CATSPERE: variants seen among roughly 807,000 people sequenced by gnomAD.
The protein encoded by CATSPERE is cation channel sperm-associated auxiliary subunit epsilon.
In CATSPERE, 93 loss-of-function variants were observed where a neutral mutation model predicts 114.1. The observed-to-expected ratio is 0.81, with a 90% CI of 0.69 to 0.97. CATSPERE has a LOEUF of 0.97. Among genes scored for constraint, CATSPERE ranks in the 50% least tolerant of loss-of-function variants. The pLI, the probability that CATSPERE is intolerant of heterozygous loss-of-function variation, is 0.00. For missense variants in CATSPERE, 1,058 were observed against 1,131.6 expected (o/e 0.93, Z 0.93); for synonymous variants, 341 against 384.1 (o/e 0.89, Z 1.31).
At position 244,581,805 on chromosome 1, in the gene CATSPERE, T is replaced by C. The variant is rs140946008; in HGVS notation, c.1960T>C (p.Phe654Leu). ...GYCTKTLTLT[F>L]YQNVDYERIS... ...AATTTTCTTTTTTCAGACACTAACA[T>C]TTTATCAGAATGTAGATTATGAGAG... Residue 654 changes from phenylalanine (F) to leucine (L), a missense_variant, in exon 12 of 22, where the codon TTT (phenylalanine) becomes CTT (leucine). Phe to Leu is a conservative substitution (Grantham distance 22). Coordinates refer to ENST00000366534, the MANE Select transcript of CATSPERE (RefSeq NM_001130957.2). The C allele has an allele frequency of 2.1e-3, 2,838 of 1,330,558 alleles. 12 individuals carry two copies. The highest frequency in any genetic ancestry group is 5.2e-3 in the Admixed American group (266 of 50,956). 82.4% of individuals were successfully genotyped at this position (1,330,558 alleles called of 1,614,324 possible). A position where few individuals can be genotyped will look rare whatever the true frequency, so the allele number is the denominator to read the frequency against.
At chr1:244,521,185 C>T (rs1167180184) in intron 8 of CATSPERE, among the ~76,000 whole-genome samples, 3 of 152,120 alleles carry the variant, frequency 2.0e-5, no homozygotes, top group African/African-American at 7.2e-5. Context: ...GAGACCCCAT[C>T]TCTATACAAA....
At chr1:244,462,286 A>G (rs1398807558) in intron 1 of CATSPERE, among the ~76,000 whole-genome samples, 1 of 152,196 alleles carries the variant, frequency 6.6e-6, no homozygotes, top group Non-Finnish European at 1.5e-5. Flanking sequence ...GGCCTCTTAG[A>G]TCTGTTTCCA....
At chr1:244,593,329 A>G in intron 15 of CATSPERE, 66 bp from the exon 16 acceptor site, 11 of 1,540,928 alleles carry the variant, frequency 7.1e-6, no homozygotes, top group Non-Finnish European at 8.9e-6. Flanking sequence ...ACCTAAACAA[A>G]GTCATGGGTT....
chr1:244,619,647 C>T (rs942676593), intron 20 of CATSPERE, among the ~76,000 whole-genome samples: 3 of 152,116 alleles, frequency 2.0e-5, no homozygotes, highest in African/African-American at 7.2e-5. Context: ...TTCGGAAAAC[C>T]ACTCAGGGAA....
At chr1:244,604,616 C>G (rs776917806) in intron 17 of CATSPERE, among the ~76,000 whole-genome samples, 1 of 152,194 alleles carries the variant, frequency 6.6e-6, no homozygotes, top group Admixed American at 6.5e-5. Flanking sequence ...CCAGCAGCCT[C>G]GAAGCAAGTG....
At position 244,552,561 on chromosome 1, in the gene CATSPERE, C is replaced by T; in HGVS notation, c.776C>T (p.Thr259Ile). Reference sequence around the variant, plus strand: ...GCTGTTTTGGTGACAGATATGGAGACCTTTCACACAACTGATTCATTCAAA... The same window carrying T: ...GCTGTTTTGGTGACAGATATGGAGATCTTTCACACAACTGATTCATTCAAA... ...ASAVLVTDME[T>I]FHTTDSFKSW... Residue 259 changes from threonine (T) to isoleucine (I), a missense_variant, in exon 9 of 22, where the codon ACC becomes ATC. This residue lies in a region of CATSPERE where 787 missense variants were observed against 905.6 expected (regional missense o/e 0.87). Coordinates refer to ENST00000366534, the MANE Select transcript of CATSPERE (RefSeq NM_001130957.2). The T allele has an allele frequency of 6.2e-7, 1 of 1,614,142 alleles. No individual in the cohort carries two copies. Among genetic ancestry groups the T allele is most frequent in the Non-Finnish European group, 8.5e-7 (1 of 1,180,028 alleles).
chr1:244,462,540 T>C (rs1666979301), intron 1 of CATSPERE, among the ~76,000 whole-genome samples: 1 of 152,160 alleles, frequency 6.6e-6, no homozygotes, highest in Non-Finnish European at 1.5e-5. Context: ...ATAATTTAAC[T>C]TTGTAAATTA....
chr1:244,500,430 C>T (rs1242972886), intron 7 of CATSPERE, among the ~76,000 whole-genome samples: 1 of 152,094 alleles, frequency 6.6e-6, no homozygotes, highest in African/African-American at 2.4e-5. Context: ...ATGCCTATAT[C>T]CTGAATGGTA....
At chr1:244,606,606 C>CT (rs57618634) in intron 18 of CATSPERE, among the ~76,000 whole-genome samples, 120,251 of 133,290 alleles carry the variant, frequency 0.9, 54,414 homozygotes, top group Middle Eastern at 0.97. Flanking sequence ...CTTTCTTTTG[C>CT]TTTTTTTTTT....
intron 8 of CATSPERE, among the ~76,000 whole-genome samples, chr1:244,526,579 A>G (rs1345345198): frequency 6.6e-6 from 1 of 151,984 alleles, no homozygotes; most frequent in Non-Finnish European, 1.5e-5. Context: ...AGTGCTTTTC[A>G]GTGGTGCTCA....
chr1:244,635,647 G>A (rs184048360), intron 21 of CATSPERE, 105 bp downstream of exon 21: 2 of 773,800 alleles, frequency 2.6e-6, no homozygotes, highest in African/African-American at 1.8e-5. Flanking sequence ...GAAGCAGCCT[G>A]TGCACTCACT....
At chr1:244,610,592 AAGC>A (rs1486121844) in intron 19 of CATSPERE, 1 of 517,624 alleles carries the variant, frequency 1.9e-6, no homozygotes, top group Non-Finnish European at 3.6e-6. Flanking sequence ...AAACATGTGA[AAGC>A]ATCAAGAGTG....
intron 8 of CATSPERE, among the ~76,000 whole-genome samples, chr1:244,537,837 A>G (rs1201832007): frequency 1.3e-5 from 2 of 152,178 alleles, no homozygotes; most frequent in Non-Finnish European, 2.9e-5. Context: ...CTGTTGTTGG[A>G]TAAAGTAGTC....
intron 6 of CATSPERE, among the ~76,000 whole-genome samples, chr1:244,494,652 C>G (rs1278173235): frequency 6.6e-6 from 1 of 150,598 alleles, no homozygotes; most frequent in Non-Finnish European, 1.5e-5. Flanking sequence ...TTTTAAAATT[C>G]TGGAATAGAG....
chr1:244,507,086 A>G (rs1017914086), intron 7 of CATSPERE, among the ~76,000 whole-genome samples: 1 of 152,160 alleles, frequency 6.6e-6, no homozygotes, highest in Non-Finnish European at 1.5e-5. Flanking sequence ...ACAGGTTTTC[A>G]TTCTTTTTTT....
chr1:244,463,974 A>C lies in CATSPERE; in HGVS notation c.114+18A>C, dbSNP rs1461490346. On this transcript the variant is annotated intron_variant, in intron 2 of 21. Coordinates refer to ENST00000366534, the MANE Select transcript of CATSPERE (RefSeq NM_001130957.2). ...GAAGTACTGTAAGTGTTGAATTTTT[A>C]ATAAACTATAGTTAAATATTAAATT... 1 of 1,551,568 alleles carries C rather than the reference A, an allele frequency of 6.4e-7. No individual in the cohort carries two copies. The highest frequency in any genetic ancestry group is 1.7e-5 in the Admixed American group (1 of 59,914).
chr1:244,611,726 G>A (rs981654314), intron 19 of CATSPERE, among the ~76,000 whole-genome samples: 2 of 152,188 alleles, frequency 1.3e-5, no homozygotes, highest in African/African-American at 2.4e-5. Flanking sequence ...GTTAGGGACA[G>A]GGATAAATGA....
chr1:244,452,086 C>T (rs1279129582), upstream of CATSPERE: 3 of 308,988 alleles, frequency 9.7e-6, no homozygotes, highest in Non-Finnish European at 1.8e-5. Flanking sequence ...ACGGCCGCCA[C>T]CCCGGACCGA....
chr1:244,484,560 T>C (rs1302680742), intron 5 of CATSPERE, among the ~76,000 whole-genome samples: 2 of 152,188 alleles, frequency 1.3e-5, no homozygotes, highest in African/African-American at 4.8e-5. Flanking sequence ...CAATTGTAAT[T>C]GGTGTTGCAA....
Sources: gnomAD v4.1 joint callset for allele counts (sites outside exome capture counted in the v4.1 genomes callset) on GRCh38, gnomAD v4.1.1 for gene constraint, gnomAD v4.1.1 regional missense constraint, MANE v1.5 for transcripts, NCBI Gene and HGNC (gene_info 2026-07-23, HGNC 2026-07-21) for gene names.